The following ACTN1 variants were observed in gnomAD, a reference collection of about 807,000 sequenced individuals.
The protein encoded by ACTN1 is actinin alpha 1.
Under a neutral mutation model 119.6 loss-of-function variants are expected in ACTN1, and 30 were observed. The ratio of observed to expected loss-of-function variants is 0.25; its 90% CI spans 0.19 to 0.34. ACTN1 has a LOEUF of 0.34. Ranked by LOEUF, ACTN1 falls within the 10% of genes least tolerant of loss-of-function variation. The pLI, the probability that ACTN1 is intolerant of heterozygous loss-of-function variation, is 1.00. For synonymous variants in ACTN1, 429 were observed against 472.6 expected (o/e 0.91, Z 1.20); for missense variants, 764 against 1,223.4 (o/e 0.62, Z 5.60).
At position 68,885,541 on chromosome 14, in the gene ACTN1, C is replaced by G; in HGVS notation, c.1269G>C (p.Glu423Asp). 6.2e-7 allele frequency: 1 copy of G among 1,613,954 alleles called. No homozygotes were observed. The highest frequency in any genetic ancestry group is 8.5e-7 in the Non-Finnish European group (1 of 1,180,014). Residue 423 changes from glutamate (E) to aspartate (D), a missense_variant, in exon 12 of 22, where the codon GAG (glutamate) becomes GAC (aspartate). Glu to Asp is a conservative substitution (Grantham distance 45, BLOSUM62 2). Around this residue, in one of 4 missense-constraint regions of ACTN1, gnomAD observed 544 missense variants for 912.0 expected, o/e 0.60. Transcript: ENST00000394419. This position sits in a 1 kb window ranked among gnomAD's most constrained non-coding sequence, Gnocchi z 5.6. ...CCTTGATCTCCGAGAGGGTGGCGGT[C>G]TCATAGTCCTTCTGTCGCAGCATGG... Reference protein sequence around the residue: ...KEAMLRQKDYETATLSEIKAL... With the variant: ...KEAMLRQKDYDTATLSEIKAL...
chr14:68,966,733 G>A (rs1035080499), intron 1 of ACTN1, among the ~76,000 whole-genome samples: 4 of 152,140 alleles, frequency 2.6e-5, no homozygotes, highest in East Asian at 3.9e-4. Context: ...GGCTGCTGAC[G>A]TCCAACACTC....
rs2031383172 is a variant in ACTN1, at chr14:68,880,364, G to C, written c.2134-256C>G. Among the ~76,000 whole-genome samples, 1 of 152,176 alleles carries C rather than the reference G, an allele frequency of 6.6e-6. No homozygotes were observed. Among genetic ancestry groups the C allele is most frequent in the Non-Finnish European group, 1.5e-5 (1 of 68,030 alleles). On this transcript the variant is annotated intron_variant, in intron 17 of 21. Coordinates refer to ENST00000394419, the MANE Select transcript of ACTN1 (RefSeq NM_001130004.2). The surrounding 1 kb of genome is among the most constrained non-coding windows in gnomAD (Gnocchi z 4.6). ...AACCAGGACTTGCCAATGGGGGTCA[G>C]GTCAGGAAGGAGGGCAGATTTGGGG... is the stretch of plus-strand genomic sequence containing the variant.
At chr14:68,963,437 C>T (rs1205917544) in intron 1 of ACTN1, among the ~76,000 whole-genome samples, 2 of 152,180 alleles carry the variant, frequency 1.3e-5, no homozygotes, top group Admixed American at 6.5e-5. Flanking sequence ...AATGCTTTTT[C>T]TTATGTTTGA....
intron 7 of ACTN1, among the ~76,000 whole-genome samples, chr14:68,903,468 C>A (rs541381006): frequency 1.9e-4 from 28 of 146,306 alleles, no homozygotes; most frequent in Middle Eastern, 3.4e-3. Context: ...ACCCAGGAGG[C>A]GGAGGTTGCA....
Position 68,878,419 on chromosome 14 carries a change from C to G in ACTN1, c.2427+39G>C. The stretch of plus-strand genomic sequence containing the variant: ...TTGGCTGCTCCCGCCAGCTGGCTGC[C>G]TTCTCACCAGGGCAGACAGAGGGTG... On this transcript the variant is annotated intron_variant, in intron 20 of 21. Transcript: ENST00000394419. This position sits in a 1 kb window ranked among gnomAD's most constrained non-coding sequence, Gnocchi z 4.4. 6.6e-7 allele frequency: 1 copy of G among 1,525,100 alleles called. No homozygotes were observed. The highest frequency in any genetic ancestry group is 8.8e-7 in the Non-Finnish European group (1 of 1,137,624). The allele number at this position is 1,525,100 out of a possible 1,614,324, so 94.5% of individuals were successfully genotyped here. A position where few individuals can be genotyped will look rare whatever the true frequency, so the allele number is the denominator to read the frequency against.
At chr14:68,920,056 C>G (rs2034557216) in intron 3 of ACTN1, among the ~76,000 whole-genome samples, 1 of 152,232 alleles carries the variant, frequency 6.6e-6, no homozygotes, top group South Asian at 2.1e-4. Flanking sequence ...GAAGGCCACT[C>G]TCAGGGCATT....
intron 10 of ACTN1, among the ~76,000 whole-genome samples, chr14:68,890,610 C>G (rs979094296): frequency 6.6e-6 from 1 of 152,190 alleles, no homozygotes; most frequent in Non-Finnish European, 1.5e-5. Flanking sequence ...CCGCAGGACT[C>G]TAACCGATCA....
At chr14:68,949,248 G>A (rs955851777) in intron 1 of ACTN1, among the ~76,000 whole-genome samples, 20 of 152,156 alleles carry the variant, frequency 1.3e-4, no homozygotes, top group African/African-American at 4.6e-4. Flanking sequence ...AAGTAAGCTC[G>A]GGGTCCCCGT....
Position 68,977,807 on chromosome 14 carries a change from C to CA in ACTN1, c.105+1144_105+1145insT, listed in dbSNP as rs199620253. On this transcript the variant is annotated intron_variant, in intron 1 of 21. Coordinates refer to ENST00000394419, the MANE Select transcript of ACTN1 (RefSeq NM_001130004.2). Reference sequence around the variant, plus strand: ...AAGGGACGCGCCATCCTGTCCCCCCCCCACCCAAAACCCCATTCCCAGATC... The same window carrying CA: ...AAGGGACGCGCCATCCTGTCCCCCCCACCACCCAAAACCCCATTCCCAGATC... The CA allele has an allele frequency of 2.6e-3, 945 of 368,920 alleles. 9 individuals carry two copies. Among genetic ancestry groups the CA allele is most frequent in the African/African-American group, 0.017 (822 of 48,046 alleles). 22.9% of individuals were successfully genotyped at this position (368,920 alleles called of 1,614,324 possible).
At chr14:68,976,904 C>G (rs1001838826) in intron 1 of ACTN1, among the ~76,000 whole-genome samples, 3 of 152,242 alleles carry the variant, frequency 2.0e-5, no homozygotes, top group Non-Finnish European at 4.4e-5. Context: ...GCCCAAAGGC[C>G]TGGGGCACAC....
At chr14:68,939,977 C>G (rs1438470958) in intron 1 of ACTN1, among the ~76,000 whole-genome samples, 1 of 152,212 alleles carries the variant, frequency 6.6e-6, no homozygotes, top group Non-Finnish European at 1.5e-5. Context: ...AGCTACTGAA[C>G]AGTGGCTGGT....
rs147913628 is a variant in ACTN1 at position 68,891,458 on chromosome 14, C to T, written c.1086+595G>A. ...TCAGGGGACACTTGAGTACAGAAAC[C>T]GGGAAAAAATGTTTAATTTCAAATA... is the stretch of plus-strand genomic sequence containing the variant. On this transcript the variant is annotated intron_variant, in intron 10 of 21. Transcript: ENST00000394419. Among the ~76,000 whole-genome samples, 684 of 152,086 alleles carry T rather than the reference C, an allele frequency of 4.5e-3. 3 individuals are homozygous for T. The highest frequency in any genetic ancestry group is 7.6e-3 in the Non-Finnish European group (520 of 67,974).
chr14:68,979,130 G>T lies in ACTN1; in HGVS notation c.-74C>A. On this transcript the variant is annotated 5_prime_UTR_variant, in exon 1 of 22. Coordinates refer to ENST00000394419, the MANE Select transcript of ACTN1 (RefSeq NM_001130004.2). The stretch of plus-strand genomic sequence containing the variant: ...TGAGCAACGGCTGCTGCCCTGGCGT[G>T]GGGAGGGAGTAGGGCTGGGCTGGGC... 4 of 1,127,024 alleles carry T rather than the reference G, an allele frequency of 3.5e-6. No homozygotes were observed. The highest frequency in any genetic ancestry group is 5.2e-6 in the Non-Finnish European group (4 of 765,308). 69.8% of individuals were successfully genotyped at this position (1,127,024 alleles called of 1,614,324 possible).
At chr14:68,883,219 G>A (rs2031718949) in intron 14 of ACTN1, 164 bp from the exon 15 acceptor site, 13 of 714,232 alleles carry the variant, frequency 1.8e-5, no homozygotes, top group Non-Finnish European at 3.0e-5. Context: ...CCACAGGAAG[G>A]TGAAGCCACA....
At chr14:68,947,801 A>G (rs567098890) in intron 1 of ACTN1, among the ~76,000 whole-genome samples, 1 of 152,358 alleles carries the variant, frequency 6.6e-6, no homozygotes, top group African/African-American at 2.4e-5. Context: ...AGTAGGACCC[A>G]CCTATGAAAC....
intron 2 of ACTN1, among the ~76,000 whole-genome samples, chr14:68,923,517 A>G (rs2034760645): frequency 6.6e-6 from 1 of 152,172 alleles, no homozygotes; most frequent in Non-Finnish European, 1.5e-5. Context: ...ACATTCTAAA[A>G]GGCAGTTAGA....
At chr14:68,900,112 A>G (rs1004156053) in intron 8 of ACTN1, among the ~76,000 whole-genome samples, 1 of 152,056 alleles carries the variant, frequency 6.6e-6, no homozygotes, top group African/African-American at 2.4e-5. Flanking sequence ...TGAGCCCTGG[A>G]AGGAAGTTCC....
In ACTN1 at chr14:68,885,624, C is replaced by CT. The variant is rs763774630; in HGVS notation, c.1235-50dup. 1 of 1,593,516 alleles carries CT rather than the reference C, an allele frequency of 6.3e-7. No individual in the cohort carries two copies. The highest frequency in any genetic ancestry group is 1.7e-5 in the Admixed American group (1 of 59,428). ...GCTGAGCTGGAGTGAGAAGCATCTC[C>CT]TTGGTCCCAACCGCCCACCCCTCAG... On this transcript the variant is annotated intron_variant, in intron 11 of 21. Coordinates refer to ENST00000394419, the MANE Select transcript of ACTN1 (RefSeq NM_001130004.2). This position sits in a 1 kb window ranked among gnomAD's most constrained non-coding sequence, Gnocchi z 5.6.
chr14:68,885,583 G>T lies in ACTN1; in HGVS notation c.1235-8C>A. 1 of 1,611,788 alleles carries T rather than the reference G, an allele frequency of 6.2e-7. No individual in the cohort carries two copies. The highest frequency in any genetic ancestry group is 8.5e-7 in the Non-Finnish European group (1 of 1,179,902). ...GCAGCATGGCCTCTTTGCCTGGGTT[G>T]AGAGAGGGCCACATGGCTGAGCTGG... On this transcript the variant is annotated splice_region_variant and splice_polypyrimidine_tract_variant and intron_variant, in intron 11 of 21. Coordinates refer to ENST00000394419, the MANE Select transcript of ACTN1 (RefSeq NM_001130004.2). This position sits in a 1 kb window ranked among gnomAD's most constrained non-coding sequence, Gnocchi z 5.6.
Sources: gnomAD v4.1 joint callset for allele counts (sites outside exome capture counted in the v4.1 genomes callset) on GRCh38, gnomAD v4.1.1 for gene constraint, gnomAD v4.1.1 regional missense constraint, Gnocchi (gnomAD v3.1) non-coding constraint, MANE v1.5 for transcripts, NCBI Gene and HGNC (gene_info 2026-07-23, HGNC 2026-07-21) for gene names.